The following EPB41L4A variants were observed in gnomAD, a reference collection of about 807,000 sequenced individuals.
The protein encoded by EPB41L4A is band 4.1-like protein 4A.
Under a neutral mutation model 108.6 loss-of-function variants are expected in EPB41L4A, and 100 were observed. That is an observed-to-expected ratio of 0.92 (90% CI 0.78 to 1.09). The LOEUF (loss-of-function observed/expected upper bound fraction) is 1.09. EPB41L4A is among the 50% of genes least tolerant of loss of function. EPB41L4A has a pLI of 0.00. For synonymous variants in EPB41L4A, 319 were observed against 289.0 expected, an observed-to-expected ratio of 1.10 and a Z score of -1.05; for missense variants, 1,030 against 842.7, an observed-to-expected ratio of 1.22 and a Z score of -2.75.
At chr5:112,266,375 T>C in intron 4 of EPB41L4A, 45 bp from the exon 5 acceptor site, 1 of 1,381,480 alleles carries the variant, frequency 7.2e-7, no homozygotes, top group Non-Finnish European at 9.9e-7. Flanking sequence ...CTTACACTAC[T>C]CAAACCTGAG....
chr5:112,282,456 C>G (rs952473507), intron 2 of EPB41L4A, among the ~76,000 whole-genome samples: 2 of 152,234 alleles, frequency 1.3e-5, no homozygotes, highest in Non-Finnish European at 2.9e-5. Context: ...CAAATTACCA[C>G]AAGCTTAGAG....
intron 1 of EPB41L4A, among the ~76,000 whole-genome samples, chr5:112,325,618 T>C (rs909898150): frequency 6.6e-6 from 1 of 152,304 alleles, no homozygotes; most frequent in African/African-American, 2.4e-5. Flanking sequence ...CTTTAGTAAT[T>C]TCAAAAATGT....
intron 1 of EPB41L4A, among the ~76,000 whole-genome samples, chr5:112,337,714 AG>A (rs1188140172): frequency 6.6e-5 from 10 of 152,172 alleles, no homozygotes; most frequent in Admixed American, 5.2e-4. Flanking sequence ...AGAAGTGATA[AG>A]GGCATCTAAA....
intron 12 of EPB41L4A, among the ~76,000 whole-genome samples, chr5:112,218,527 C>A (rs531103828): frequency 6.6e-6 from 1 of 152,298 alleles, no homozygotes; most frequent in Admixed American, 6.5e-5. Context: ...TCTCTCAAGC[C>A]CCACAATTTA....
At chr5:112,210,644 G>A (rs576684138) in intron 12 of EPB41L4A, among the ~76,000 whole-genome samples, 160 of 152,238 alleles carry the variant, frequency 1.1e-3, no homozygotes, top group African/African-American at 2.7e-3. Context: ...AGTCATGATC[G>A]AAATAAAGAT....
intron 12 of EPB41L4A, among the ~76,000 whole-genome samples, chr5:112,154,694 T>A (rs1473937635): frequency 1.3e-5 from 2 of 152,172 alleles, no homozygotes; most frequent in South Asian, 4.1e-4. Context: ...TTTTTTTAAA[T>A]CTGAAATAAA....
At chr5:112,387,945 T>C (rs995009945) in intron 1 of EPB41L4A, among the ~76,000 whole-genome samples, 1 of 152,110 alleles carries the variant, frequency 6.6e-6, no homozygotes, top group Non-Finnish European at 1.5e-5. Context: ...AAGTTTTTAA[T>C]AACAATAAAA....
At chr5:112,387,291 T>C (rs1010534043) in intron 1 of EPB41L4A, among the ~76,000 whole-genome samples, 1 of 152,080 alleles carries the variant, frequency 6.6e-6, no homozygotes, top group African/African-American at 2.4e-5. Flanking sequence ...CAGCTTCCCA[T>C]CAATTTAAGT....
chr5:112,228,734 G>A (rs746926316), intron 12 of EPB41L4A: 127 of 985,318 alleles, frequency 1.3e-4, no homozygotes, highest in Non-Finnish European at 1.5e-4. Flanking sequence ...TTGTCAGAGA[G>A]AGGGTTGTAA....
At chr5:112,399,832 G>T (rs1438819444) in intron 1 of EPB41L4A, among the ~76,000 whole-genome samples, 1 of 152,162 alleles carries the variant, frequency 6.6e-6, no homozygotes. Context: ...ACTGACCTAG[G>T]AGCTCCAGTG....
chr5:112,259,209 C>A lies in EPB41L4A; in HGVS notation c.795+20G>T. Reference sequence around the variant, plus strand: ...CAAGACACCCCTCTTCTAATTTAAGCTAAGGGCTTGGAAACTTACATCTTT... The same window carrying A: ...CAAGACACCCCTCTTCTAATTTAAGATAAGGGCTTGGAAACTTACATCTTT... On this transcript the variant is annotated intron_variant, in intron 9 of 22. Transcript: ENST00000261486. 6.3e-7 allele frequency: 1 copy of A among 1,595,270 alleles called. No individual in the cohort carries two copies. The highest frequency in any genetic ancestry group is 8.6e-7 in the Non-Finnish European group (1 of 1,162,966).
chr5:112,198,534 T>A (rs187560968), intron 15 of EPB41L4A, among the ~76,000 whole-genome samples: 1 of 152,320 alleles, frequency 6.6e-6, no homozygotes, highest in Non-Finnish European at 1.5e-5. Flanking sequence ...TGTCACATCC[T>A]TCAGTTCCGG....
chr5:112,204,838 A>C (rs532059906), intron 14 of EPB41L4A, among the ~76,000 whole-genome samples: 1 of 152,346 alleles, frequency 6.6e-6, no homozygotes, highest in Admixed American at 6.5e-5. Context: ...GCTAATCTTC[A>C]TATCAGCCTT....
intron 1 of EPB41L4A, among the ~76,000 whole-genome samples, chr5:112,394,444 TAACA>T (rs1483697538): frequency 7.2e-5 from 11 of 152,070 alleles, no homozygotes; most frequent in African/African-American, 2.2e-4. Context: ...TATACACCAA[TAACA>T]AACAAACAGA....
intron 17 of EPB41L4A, among the ~76,000 whole-genome samples, chr5:112,185,954 G>A (rs1444256479): frequency 6.6e-6 from 1 of 152,050 alleles, no homozygotes; most frequent in Non-Finnish European, 1.5e-5. Context: ...GAGCAGTCCT[G>A]GACACCCCCA....
intron 12 of EPB41L4A, among the ~76,000 whole-genome samples, chr5:112,230,464 C>T (rs1475305881): frequency 1.3e-5 from 2 of 152,174 alleles, no homozygotes; most frequent in Non-Finnish European, 2.9e-5. Context: ...TTTTGATTTG[C>T]AATTCCCTGA....
intron 1 of EPB41L4A, among the ~76,000 whole-genome samples, chr5:112,317,123 G>T (rs1030729307): frequency 6.6e-6 from 1 of 152,168 alleles, no homozygotes; most frequent in Non-Finnish European, 1.5e-5. Flanking sequence ...TATAGTGAGC[G>T]ACTGGAAGAA....
At chr5:112,357,571 A>G (rs1224080417) in intron 1 of EPB41L4A, among the ~76,000 whole-genome samples, 3 of 152,230 alleles carry the variant, frequency 2.0e-5, no homozygotes, top group Non-Finnish European at 4.4e-5. Context: ...TCTGGTACCA[A>G]GCAAAAGTGG....
chr5:112,405,612 C>T (rs564656373), intron 1 of EPB41L4A, among the ~76,000 whole-genome samples: 42 of 152,224 alleles, frequency 2.8e-4, no homozygotes, highest in African/African-American at 1.0e-3. Context: ...TACATTACCA[C>T]CCTAGAATCT....
Sources: allele counts gnomAD v4.1 joint callset (sites outside exome capture counted in the v4.1 genomes callset), GRCh38; gene constraint gnomAD v4.1.1; transcripts MANE v1.5; gene names NCBI Gene and HGNC (gene_info 2026-07-23, HGNC 2026-07-21).